ZNF428: variants seen among roughly 807,000 people sequenced by gnomAD.
ZNF428 encodes the protein enzyme-like protein PIT13.
In ZNF428, 5 loss-of-function variants were observed where a neutral mutation model predicts 15.6. The ratio of observed to expected loss-of-function variants is 0.32; its 90% confidence interval spans 0.17 to 0.67. The LOEUF is 0.67. ZNF428 is among the 30% of genes least tolerant of loss of function. ZNF428 has a pLI of 0.73. For synonymous variants in ZNF428, 97 were observed against 102.2 expected, an observed-to-expected ratio of 0.95 and a Z score of 0.31; for missense variants, 237 against 256.0, an observed-to-expected ratio of 0.93 and a Z score of 0.51.
At chr19:43,619,091 C>A (rs1370595420) in intron 1 of ZNF428, among the ~76,000 whole-genome samples, 1 of 152,274 alleles carries the variant, frequency 6.6e-6, no homozygotes, top group Middle Eastern at 3.4e-3. Flanking sequence ...AATAGGCACC[C>A]GTTCCAATGC....
intron 1 of ZNF428, among the ~76,000 whole-genome samples, chr19:43,617,931 G>A (rs922296633): frequency 2.6e-5 from 4 of 151,966 alleles, no homozygotes; most frequent in African/African-American, 9.7e-5. Flanking sequence ...GCGCGATCTC[G>A]GCTCACTGCA....
intron 2 of ZNF428, chr19:43,613,328 C>T (rs925336137): frequency 5.2e-6 from 8 of 1,551,102 alleles, no homozygotes; most frequent in South Asian, 2.4e-5. Context: ...AGATCACAGC[C>T]GATCTAGAAG....
intron 2 of ZNF428, among the ~76,000 whole-genome samples, chr19:43,608,993 C>G (rs987406291): frequency 1.4e-5 from 2 of 143,234 alleles, no homozygotes; most frequent in Non-Finnish European, 3.1e-5. Flanking sequence ...CAAAAGAAAA[C>G]AAAAACTCCA....
chr19:43,607,713 C>T lies in ZNF428; in HGVS notation c.471G>A (p.Glu157=). 2 of 1,614,006 alleles carry T rather than the reference C, an allele frequency of 1.2e-6. No homozygotes were observed. Among genetic ancestry groups the T allele is most frequent in the South Asian group, 1.1e-5 (1 of 91,064 alleles). ...ATTCCGTACAGTGGTAGGTTCCCTC[C>T]TCCTCCTCTTCCTCCTCCTCCTCCC... The part of the protein sequence containing the change: ...AGREEEEEEE[E]EGTYHCTECE... Residue 157 remains glutamate, a synonymous_variant, in exon 3 of 3, where the codon GAG becomes GAA. Transcript: ENST00000300811. The surrounding 1 kb of genome is among the most constrained non-coding windows in gnomAD (Gnocchi z 5.1).
Position 43,608,019 on chromosome 19 carries a change from G to C in ZNF428, c.165C>G (p.Thr55=), listed in dbSNP as rs951516657. 13 of 1,613,136 alleles carry C rather than the reference G, an allele frequency of 8.1e-6. No homozygotes were observed. The highest frequency in any genetic ancestry group is 1.1e-5 in the Non-Finnish European group (13 of 1,179,806). ...CAGGATCATATTCAGGATCGTCAGT[G>C]GTCTCCTCTTCCTCCTCCTCCTCAT... ...EEDEEEEEEE[T]TDDPEYDPGY... is the part of the protein sequence containing the mutation. Residue 55 remains threonine (T), a synonymous_variant, in exon 3 of 3, where the codon ACC becomes ACG. Coordinates refer to ENST00000300811, the MANE Select transcript of ZNF428 (RefSeq NM_182498.4).
At chr19:43,616,516 G>C (rs1048687592) in intron 1 of ZNF428, among the ~76,000 whole-genome samples, 1 of 152,218 alleles carries the variant, frequency 6.6e-6, no homozygotes, top group Non-Finnish European at 1.5e-5. Flanking sequence ...GAGGTGATAA[G>C]TGAGTAGCCC....
chr19:43,614,203 C>T (rs1348720902), intron 2 of ZNF428, 26 bp downstream of exon 2: 11 of 1,614,206 alleles, frequency 6.8e-6, no homozygotes, highest in East Asian at 4.5e-5. Context: ...GTCAAGCCGA[C>T]GCCACCACCT....
At position 43,612,468 on chromosome 19, in the gene ZNF428, GCA is replaced by G. The variant is rs891106608; in HGVS notation, c.76+1759_76+1760del. 6.7e-5 allele frequency: 103 copies of G among 1,545,888 alleles called. No homozygotes were observed. The highest frequency in any genetic ancestry group is 8.5e-5 in the Non-Finnish European group (97 of 1,142,434). On this transcript the variant is annotated intron_variant, in intron 2 of 2. Transcript: ENST00000300811. The surrounding 1 kb of genome is among the most constrained non-coding windows in gnomAD (Gnocchi z 4.2). Reference sequence around the variant, plus strand: ...GACGTGAGATGCCACCAGCGGAGGGGCACACACAGCCGGGGTAGGACACCTGG... The same window carrying G: ...GACGTGAGATGCCACCAGCGGAGGGGCACACAGCCGGGGTAGGACACCTGG...
At chr19:43,613,601 G>A (rs1463596469) in intron 2 of ZNF428, 2 of 1,550,324 alleles carry the variant, frequency 1.3e-6, no homozygotes, top group East Asian at 4.9e-5. Flanking sequence ...CCCCAGCAAA[G>A]AGAGAGATCA....
intron 2 of ZNF428, chr19:43,611,956 C>T: frequency 3.2e-6 from 2 of 627,950 alleles, no homozygotes; most frequent in Non-Finnish European, 5.7e-6. Flanking sequence ...CCCCTCCCCT[C>T]TCTCCTCCCA....
In ZNF428 at chr19:43,614,365, C is replaced by A; in HGVS notation, c.-61G>T. 1 of 1,535,994 alleles carries A rather than the reference C, an allele frequency of 6.5e-7. No individual in the cohort carries two copies. Among genetic ancestry groups the A allele is most frequent in the South Asian group, 1.3e-5 (1 of 77,406 alleles). On this transcript the variant is annotated 5_prime_UTR_variant, in exon 2 of 3. Transcript: ENST00000300811. Reference sequence around the variant, plus strand: ...GCAGCTGAGCAGCGTCCCTCCCCGGCCAGCTCTCCACAGCCACACCTCCGG... The same window carrying A: ...GCAGCTGAGCAGCGTCCCTCCCCGGACAGCTCTCCACAGCCACACCTCCGG...
At chr19:43,613,337 A>G in intron 2 of ZNF428, 1 of 1,551,448 alleles carries the variant, frequency 6.4e-7, no homozygotes, top group Non-Finnish European at 8.7e-7. Flanking sequence ...CCGATCTAGA[A>G]GTCCCAACAA....
chr19:43,612,924 G>A lies in ZNF428; in HGVS notation c.76+1305C>T. ...ACTGAAATGTCCAGCAGGGTCAAGA[G>A]TTATAACCAGGCCAGCACCCGCAGC... On this transcript the variant is annotated intron_variant, in intron 2 of 2. Coordinates refer to ENST00000300811, the MANE Select transcript of ZNF428 (RefSeq NM_182498.4). The surrounding 1 kb of genome is among the most constrained non-coding windows in gnomAD (Gnocchi z 4.2). The A allele has an allele frequency of 6.4e-7, 1 of 1,551,726 alleles. No homozygotes were observed. Among genetic ancestry groups the A allele is most frequent in the South Asian group, 1.2e-5 (1 of 84,058 alleles).
chr19:43,607,640 G>A lies in ZNF428; in HGVS notation c.544C>T (p.Leu182=). The part of the protein sequence containing the change: ...NLGELHGHFM[L]HARGEV ...GCCTACACCTCACCCCGGGCATGCA[G>A]CATGAAGTGCCCGTGCAGCTCCCCC... The change falls in exon 3 of 3, where the codon CTG becomes TTG. Residue 182 remains leucine, a synonymous_variant. Transcript: ENST00000300811. The surrounding 1 kb of genome is among the most constrained non-coding windows in gnomAD (Gnocchi z 5.1). The A allele has an allele frequency of 4.4e-6, 7 of 1,598,060 alleles. No individual in the cohort carries two copies. The highest frequency in any genetic ancestry group is 6.0e-6 in the Non-Finnish European group (7 of 1,170,462).
At chr19:43,617,073 G>A (rs545243712) in intron 1 of ZNF428, among the ~76,000 whole-genome samples, 1 of 152,210 alleles carries the variant, frequency 6.6e-6, no homozygotes, top group East Asian at 1.9e-4. Flanking sequence ...TGGGATTACA[G>A]GCAAGAGCCA....
intron 1 of ZNF428, among the ~76,000 whole-genome samples, chr19:43,616,964 T>C (rs574043196): frequency 6.6e-6 from 1 of 152,008 alleles, no homozygotes; most frequent in African/African-American, 2.4e-5. Context: ...CGGCTAATTT[T>C]TTGGTATTTT....
chr19:43,614,920 G>C (rs908542864), intron 1 of ZNF428, among the ~76,000 whole-genome samples: 1 of 151,982 alleles, frequency 6.6e-6, no homozygotes, highest in Non-Finnish European at 1.5e-5. Flanking sequence ...CTTAATTTCC[G>C]CATGTGGGCA....
At position 43,607,933 on chromosome 19, in the gene ZNF428, C is replaced by CG; in HGVS notation, c.250dup (p.Arg84ProfsTer44). On this transcript the variant is annotated frameshift_variant, in exon 3 of 3. Transcript: ENST00000300811. LOFTEE classifies it high-confidence loss of function. This position sits in a 1 kb window ranked among gnomAD's most constrained non-coding sequence, Gnocchi z 5.1. ...AGGCTGGGCCGGGGGCTGGGCTGCACGGGGGGCCCGGCGGGATGGGCCACC... is the reference window on the plus strand; with the variant it reads ...AGGCTGGGCCGGGGGCTGGGCTGCACGGGGGGGCCCGGCGGGATGGGCCACC... 3 of 1,577,374 alleles carry CG rather than the reference C, an allele frequency of 1.9e-6. No individual in the cohort carries two copies. The highest frequency in any genetic ancestry group is 1.1e-5 in the South Asian group (1 of 87,860).
At position 43,607,720 on chromosome 19, in the gene ZNF428, T is replaced by TCTTCCTCCTCCTCCTCCC; in HGVS notation, c.446_463dup (p.Glu154_Glu155insGlyGluGluGluGluGlu). ...ACAGTGGTAGGTTCCCTCCTCCTCC[T>TCTTCCTCCTCCTCCTCCC]CTTCCTCCTCCTCCTCCCGCCCAGC... On this transcript the variant is annotated inframe_insertion, in exon 3 of 3. Coordinates refer to ENST00000300811, the MANE Select transcript of ZNF428 (RefSeq NM_182498.4). The surrounding 1 kb of genome is among the most constrained non-coding windows in gnomAD (Gnocchi z 5.1). The TCTTCCTCCTCCTCCTCCC allele has an allele frequency of 6.2e-7, 1 of 1,613,748 alleles. No individual in the cohort carries two copies. The highest frequency in any genetic ancestry group is 1.7e-5 in the Admixed American group (1 of 59,988).
Sources: gnomAD v4.1 joint callset for allele counts (sites outside exome capture counted in the v4.1 genomes callset) on GRCh38, gnomAD v4.1.1 for gene constraint, Gnocchi (gnomAD v3.1) non-coding constraint, MANE v1.5 for transcripts, NCBI Gene and HGNC (gene_info 2026-07-23, HGNC 2026-07-21) for gene names.